JPH3: variants seen among roughly 807,000 people sequenced by gnomAD.
The protein encoded by JPH3 is junctophilin-3.
In JPH3, 11 loss-of-function variants were observed where a neutral mutation model predicts 59.6. The observed-to-expected ratio is 0.18, with a 90% CI of 0.12 to 0.31. The LOEUF (loss-of-function observed/expected upper bound fraction) is 0.31, where lower values mean the gene tolerates loss of function less well. Ranked by LOEUF, JPH3 falls within the 10% of genes least tolerant of loss-of-function variation. JPH3 has a pLI of 1.00. For missense variants in JPH3, 1,202 were observed against 1,105.7 expected (o/e 1.09, Z -1.24); for synonymous variants, 673 against 483.6 (o/e 1.39, Z -5.14).
chr16:87,644,163 C>T, intron 1 of JPH3, 95 bp from the exon 2 acceptor site: 2 of 1,304,978 alleles, frequency 1.5e-6, no homozygotes, highest in Non-Finnish European at 2.1e-6. Flanking sequence ...ACAGGAAGCT[C>T]AGACAGGACT....
At chr16:87,671,957 G>A (rs572201440) in intron 2 of JPH3, among the ~76,000 whole-genome samples, 1 of 152,246 alleles carries the variant, frequency 6.6e-6, no homozygotes, top group Admixed American at 6.5e-5. Context: ...TCGTCTGTGG[G>A]GGGTGGCCGC....
intron 4 of JPH3, chr16:87,695,470 C>G (rs943686819): frequency 4.4e-6 from 2 of 455,756 alleles, no homozygotes; most frequent in African/African-American, 4.0e-5. Context: ...GGGCTCTGAA[C>G]AGCTCCTTAC....
At chr16:87,606,518 G>A (rs140834617) in intron 1 of JPH3, among the ~76,000 whole-genome samples, 1 of 152,272 alleles carries the variant, frequency 6.6e-6, no homozygotes, top group Non-Finnish European at 1.5e-5. Context: ...CTTGCTTCCA[G>A]TCACAACCCC....
At chr16:87,679,687 C>T (rs1032564218) in intron 2 of JPH3, among the ~76,000 whole-genome samples, 6 of 152,240 alleles carry the variant, frequency 3.9e-5, no homozygotes, top group African/African-American at 7.2e-5. Context: ...ACGTGTGGGT[C>T]TGGGCTGGGT....
intron 1 of JPH3, among the ~76,000 whole-genome samples, chr16:87,618,080 C>G (rs4843248): frequency 0.057 from 8,661 of 152,260 alleles, 392 homozygotes; most frequent in South Asian, 0.18. Context: ...GGGAGAATCA[C>G]TTCAGCCCGG....
chr16:87,696,687 G>C lies in JPH3; in HGVS notation c.*27G>C, dbSNP rs370118355. ...GAGATGTCGCGGTAGCAAAAATAGA[G>C]AAAGGGTAGAAAAAAGGGACATTAA... On this transcript the variant is annotated 3_prime_UTR_variant, in exon 5 of 5. Coordinates refer to ENST00000284262, the MANE Select transcript of JPH3 (RefSeq NM_020655.4). 17 of 1,570,298 alleles carry C rather than the reference G, an allele frequency of 1.1e-5. No homozygotes were observed. The highest frequency in any genetic ancestry group is 1.5e-5 in the Non-Finnish European group (17 of 1,141,810).
At chr16:87,695,548 CA>C in intron 4 of JPH3, 1 of 454,610 alleles carries the variant, frequency 2.2e-6, no homozygotes, top group Non-Finnish European at 4.4e-6. Context: ...TGGGGAGAGG[CA>C]GGGGCAAGTG....
intron 1 of JPH3, among the ~76,000 whole-genome samples, chr16:87,606,157 T>G (rs2030512303): frequency 6.6e-6 from 1 of 152,172 alleles, no homozygotes; most frequent in Non-Finnish European, 1.5e-5. Flanking sequence ...CCCAGTCAAC[T>G]GGTGGGTGGT....
intron 2 of JPH3, among the ~76,000 whole-genome samples, chr16:87,679,503 G>C (rs2033232519): frequency 6.6e-6 from 1 of 152,204 alleles, no homozygotes; most frequent in Non-Finnish European, 1.5e-5. Context: ...AATAATTGCA[G>C]GGAGAGACTG....
chr16:87,672,787 G>C (rs892344639), intron 2 of JPH3, among the ~76,000 whole-genome samples: 5 of 152,206 alleles, frequency 3.3e-5, no homozygotes, highest in African/African-American at 1.2e-4. Flanking sequence ...GGCCGCTCAG[G>C]TGGCCATTGG....
At chr16:87,631,449 T>C (rs1298803951) in intron 1 of JPH3, among the ~76,000 whole-genome samples, 1 of 152,358 alleles carries the variant, frequency 6.6e-6, no homozygotes, top group South Asian at 2.1e-4. Context: ...GTGTTGCTCT[T>C]GAGAAGCCCA....
chr16:87,606,688 A>T (rs1236109177), intron 1 of JPH3, among the ~76,000 whole-genome samples: 6 of 152,202 alleles, frequency 3.9e-5, no homozygotes, highest in Non-Finnish European at 8.8e-5. Context: ...GTGCGTGGCT[A>T]TGCCAGGAAT....
intron 2 of JPH3, among the ~76,000 whole-genome samples, chr16:87,659,395 A>C (rs1333464119): frequency 1.4e-5 from 2 of 140,112 alleles, no homozygotes; most frequent in South Asian, 2.2e-4. Context: ...AAGAAAAAAA[A>C]AAAGAAAACT....
intron 1 of JPH3, among the ~76,000 whole-genome samples, chr16:87,623,539 A>G (rs1242591831): frequency 6.6e-6 from 1 of 152,244 alleles, no homozygotes; most frequent in Non-Finnish European, 1.5e-5. Context: ...TTAAATTTCA[A>G]GTAAAGCTTA....
At chr16:87,662,430 T>TC (rs1223557965) in intron 2 of JPH3, among the ~76,000 whole-genome samples, 1 of 152,110 alleles carries the variant, frequency 6.6e-6, no homozygotes, top group Non-Finnish European at 1.5e-5. Context: ...GTCTGATTTT[T>TC]TTTTTTTAGC....
intron 2 of JPH3, among the ~76,000 whole-genome samples, chr16:87,677,171 G>A (rs888687923): frequency 3.8e-5 from 4 of 106,346 alleles, no homozygotes; most frequent in South Asian, 3.1e-4. Context: ...ACACACACAC[G>A]CACTATATAT....
intron 3 of JPH3, 58 bp from the exon 4 acceptor site, chr16:87,689,588 C>T: frequency 6.4e-7 from 1 of 1,564,852 alleles, no homozygotes; most frequent in South Asian, 1.2e-5. Flanking sequence ...GGGACCGCGG[C>T]CTCGCTGTGG....
intron 2 of JPH3, among the ~76,000 whole-genome samples, chr16:87,677,512 A>G (rs2033182670): frequency 1.3e-5 from 2 of 152,250 alleles, no homozygotes; most frequent in Non-Finnish European, 2.9e-5. Context: ...CATCCCATGA[A>G]TCTTTGCAGG....
At chr16:87,685,557 C>T (rs1291007259) in intron 3 of JPH3, among the ~76,000 whole-genome samples, 1 of 152,248 alleles carries the variant, frequency 6.6e-6, no homozygotes, top group African/African-American at 2.4e-5. Context: ...CGTGCACGTG[C>T]ATGTGGGGAG....
Sources: allele counts gnomAD v4.1 joint callset (sites outside exome capture counted in the v4.1 genomes callset), GRCh38; gene constraint gnomAD v4.1.1; transcripts MANE v1.5; gene names NCBI Gene and HGNC (gene_info 2026-07-23, HGNC 2026-07-21).